Variants in LIMCH1 observed in about 807,000 individuals in gnomAD.
LIMCH1 encodes LIM and calponin homology domains 1, also known as LIM and calponin homology domains-containing protein 1.
A neutral mutation model predicts 176.5 loss-of-function variants in LIMCH1; 113 were observed. The observed-to-expected ratio is 0.64, with a 90% confidence interval of 0.55 to 0.75. The LOEUF (loss-of-function observed/expected upper bound fraction) is 0.75, where lower values mean the gene tolerates loss of function less well. LIMCH1 is among the 30% of genes least tolerant of loss of function. LIMCH1 has a pLI of 0.00. For synonymous variants in LIMCH1, 619 were observed against 645.9 expected (o/e 0.96, Z 0.63); for missense variants, 1,674 against 1,814.9 (o/e 0.92, Z 1.41).
At chr4:41,568,006 A>G (rs1229193596) in intron 1 of LIMCH1, among the ~76,000 whole-genome samples, 1 of 152,180 alleles carries the variant, frequency 6.6e-6, no homozygotes, top group Non-Finnish European at 1.5e-5. Context: ...TACAAAAATT[A>G]GCCAGGCATG....
chr4:41,490,133 A>G (rs1289549427), intron 1 of LIMCH1, among the ~76,000 whole-genome samples: 3 of 152,124 alleles, frequency 2.0e-5, no homozygotes, highest in African/African-American at 7.2e-5. Flanking sequence ...GAGATGGAGC[A>G]AATAGAAAGA....
intron 1 of LIMCH1, among the ~76,000 whole-genome samples, chr4:41,553,717 C>T (rs771332321): frequency 1.3e-5 from 2 of 152,132 alleles, no homozygotes; most frequent in African/African-American, 4.8e-5. Context: ...GATCAGACTT[C>T]ATGGTGCGCT....
chr4:41,487,807 C>T (rs1043898055), intron 1 of LIMCH1, among the ~76,000 whole-genome samples: 4 of 151,662 alleles, frequency 2.6e-5, no homozygotes, highest in Non-Finnish European at 5.9e-5. Context: ...CACCTGCCAC[C>T]ACGCCCGGCT....
At chr4:41,434,725 C>T (rs1274131184) in intron 1 of LIMCH1, among the ~76,000 whole-genome samples, 1 of 152,172 alleles carries the variant, frequency 6.6e-6, no homozygotes, top group African/African-American at 2.4e-5. Context: ...CTATGTTGGC[C>T]AGGCTGGTCT....
intron 1 of LIMCH1, among the ~76,000 whole-genome samples, chr4:41,545,527 TA>T (rs2079252428): frequency 6.6e-6 from 1 of 152,224 alleles, no homozygotes; most frequent in South Asian, 2.1e-4. Flanking sequence ...ATCAAGCAGT[TA>T]CCCTATTATC....
At chr4:41,597,488 A>G (rs2089110867) in intron 1 of LIMCH1, among the ~76,000 whole-genome samples, 1 of 152,148 alleles carries the variant, frequency 6.6e-6, no homozygotes, top group Non-Finnish European at 1.5e-5. Flanking sequence ...TTTAACACCA[A>G]TGGTTATCTC....
At chr4:41,628,807 A>G (rs2093142574) in intron 8 of LIMCH1, among the ~76,000 whole-genome samples, 1 of 152,214 alleles carries the variant, frequency 6.6e-6, no homozygotes, top group Admixed American at 6.5e-5. Context: ...ATAAAGGTGA[A>G]CGGTTATTAA....
intron 1 of LIMCH1, among the ~76,000 whole-genome samples, chr4:41,451,171 A>G (rs2063824764): frequency 6.6e-6 from 1 of 152,166 alleles, no homozygotes; most frequent in Admixed American, 6.5e-5. Context: ...GCTGGAGTGC[A>G]ATGGCACGAT....
intron 1 of LIMCH1, among the ~76,000 whole-genome samples, chr4:41,363,090 A>G (rs1473408922): frequency 6.6e-6 from 1 of 152,174 alleles, no homozygotes; most frequent in East Asian, 1.9e-4. Flanking sequence ...TAAAAAGGTA[A>G]TTGCTCCAGG....
At chr4:41,486,577 G>C (rs1042092951) in intron 1 of LIMCH1, among the ~76,000 whole-genome samples, 3 of 152,102 alleles carry the variant, frequency 2.0e-5, no homozygotes, top group Non-Finnish European at 2.9e-5. Flanking sequence ...GTTGAGACAG[G>C]CCATCCCAAA....
intron 18 of LIMCH1, among the ~76,000 whole-genome samples, chr4:41,655,805 A>T (rs1163705120): frequency 6.6e-6 from 1 of 151,904 alleles, no homozygotes; most frequent in Non-Finnish European, 1.5e-5. Context: ...CTGGGATTAT[A>T]GGCATGAGCC....
intron 3 of LIMCH1, among the ~76,000 whole-genome samples, chr4:41,525,980 G>A (rs2076612775): frequency 6.6e-6 from 1 of 152,062 alleles, no homozygotes; most frequent in Non-Finnish European, 1.5e-5. Flanking sequence ...CAGTCCAGTA[G>A]CTAAAGAGAA....
intron 1 of LIMCH1, among the ~76,000 whole-genome samples, chr4:41,462,646 T>C (rs10470738): frequency 0.13 from 19,921 of 152,194 alleles, 1,409 homozygotes; most frequent in South Asian, 0.25. Context: ...TGAACTTTTA[T>C]ACATAACATA....
intron 10 of LIMCH1, among the ~76,000 whole-genome samples, chr4:41,632,014 A>G (rs1034337860): frequency 6.6e-6 from 1 of 152,186 alleles, no homozygotes; most frequent in African/African-American, 2.4e-5. Context: ...GGGTTTCTGT[A>G]AGTCGAGAGT....
At chr4:41,565,991 C>G (rs1256987313) in intron 1 of LIMCH1, among the ~76,000 whole-genome samples, 1 of 152,156 alleles carries the variant, frequency 6.6e-6, no homozygotes, top group Admixed American at 6.5e-5. Context: ...TATTCTTATT[C>G]CTGTTTCACA....
At position 41,650,449 on chromosome 4, in the gene LIMCH1, A is replaced by G. The variant is rs2094245529; in HGVS notation, c.2877A>G (p.Glu959=). Reference sequence around the variant, plus strand: ...CGGTTCATAGAGAGGAGGAGAAGGAAAGAGAGTGTCCCACGGTGGCACCTG... The same window carrying G: ...CGGTTCATAGAGAGGAGGAGAAGGAGAGAGAGTGTCCCACGGTGGCACCTG... ...GETVHREEEK[E]RECPTVAPAH... is the part of the protein sequence containing the mutation. The change falls in exon 18 of 32, where the codon GAA becomes GAG. Residue 959 remains glutamate, a synonymous_variant. Transcript: ENST00000503057. The G allele has an allele frequency of 6.2e-7, 1 of 1,613,990 alleles. No individual in the cohort carries two copies. Among genetic ancestry groups the G allele is most frequent in the African/African-American group, 1.3e-5 (1 of 74,900 alleles).
At chr4:41,551,693 G>C (rs912384735) in intron 1 of LIMCH1, among the ~76,000 whole-genome samples, 8 of 152,100 alleles carry the variant, frequency 5.3e-5, no homozygotes, top group African/African-American at 1.9e-4. Flanking sequence ...ATAATACATG[G>C]AAATTAAGTG....
At chr4:41,435,041 CTT>C (rs1301489925) in intron 1 of LIMCH1, among the ~76,000 whole-genome samples, 1 of 152,132 alleles carries the variant, frequency 6.6e-6, no homozygotes, top group Non-Finnish European at 1.5e-5. Flanking sequence ...GAAAATGAGA[CTT>C]TGCAGATATG....
intron 1 of LIMCH1, among the ~76,000 whole-genome samples, chr4:41,438,931 A>G (rs1001345036): frequency 2.0e-5 from 3 of 152,152 alleles, no homozygotes; most frequent in Admixed American, 6.5e-5. Flanking sequence ...GTACAATGCC[A>G]TGGACCAGCA....
Sources: gnomAD v4.1 joint callset for allele counts (sites outside exome capture counted in the v4.1 genomes callset) on GRCh38, gnomAD v4.1.1 for gene constraint, MANE v1.5 for transcripts, NCBI Gene and HGNC (gene_info 2026-07-23, HGNC 2026-07-21) for gene names.